The following LEF1 variants were observed in gnomAD, a reference collection of about 807,000 sequenced individuals.
LEF1 encodes the protein lymphoid enhancer binding factor 1, also known as lymphoid enhancer-binding factor 1.
LEF1 carries 14 observed loss-of-function variants against 51.2 expected under a neutral mutation model. The observed-to-expected ratio is 0.27, with a 90% CI of 0.18 to 0.43. The LOEUF (loss-of-function observed/expected upper bound fraction) is 0.43, where lower values mean the gene tolerates loss of function less well. Ranked by LOEUF, LEF1 falls within the 20% of genes least tolerant of loss-of-function variation. LEF1 has a pLI of 1.00. For synonymous variants in LEF1, 185 were observed against 183.2 expected, an observed-to-expected ratio of 1.01 and a Z score of -0.08; for missense variants, 386 against 512.0, an observed-to-expected ratio of 0.75 and a Z score of 2.37.
chr4:108,127,758 T>C (rs1278432604), intron 3 of LEF1, among the ~76,000 whole-genome samples: 1 of 152,176 alleles, frequency 6.6e-6, no homozygotes, highest in Non-Finnish European at 1.5e-5. Flanking sequence ...AACTTAGAGA[T>C]GCAACAGGGG....
chr4:108,051,861 C>A (rs963450639), intron 11 of LEF1, among the ~76,000 whole-genome samples: 1 of 152,122 alleles, frequency 6.6e-6, no homozygotes, highest in African/African-American at 2.4e-5. Context: ...AAAGGTGAAT[C>A]TAAAGATTTC....
intron 3 of LEF1, among the ~76,000 whole-genome samples, chr4:108,121,206 T>C (rs1742161247): frequency 1.3e-5 from 2 of 152,252 alleles, no homozygotes; most frequent in South Asian, 4.1e-4. Context: ...GTGATGAATA[T>C]AGTAACTAAA....
chr4:108,118,835 C>T (rs1741993998), intron 3 of LEF1, among the ~76,000 whole-genome samples: 1 of 152,066 alleles, frequency 6.6e-6, no homozygotes, highest in Non-Finnish European at 1.5e-5. Context: ...CACACAACGT[C>T]CACCAGACCT....
chr4:108,108,827 TCTC>T (rs1377775152), intron 3 of LEF1, among the ~76,000 whole-genome samples: 2 of 152,162 alleles, frequency 1.3e-5, no homozygotes, highest in African/African-American at 4.8e-5. Context: ...CAAGTTTCTC[TCTC>T]CTCCTTCATA....
At chr4:108,115,825 G>T (rs1002070662) in intron 3 of LEF1, among the ~76,000 whole-genome samples, 3 of 142,518 alleles carry the variant, frequency 2.1e-5, no homozygotes, top group South Asian at 2.2e-4. Context: ...AGGTTAAAAG[G>T]TCTGCCTATA....
intron 3 of LEF1, among the ~76,000 whole-genome samples, chr4:108,147,260 A>T (rs940245184): frequency 3.4e-5 from 5 of 146,010 alleles, no homozygotes; most frequent in African/African-American, 1.0e-4. Context: ...ATAGAAGCCT[A>T]AAAAAAAAAA....
intron 5 of LEF1, among the ~76,000 whole-genome samples, chr4:108,082,555 A>G (rs911728697): frequency 6.6e-6 from 1 of 152,180 alleles, no homozygotes; most frequent in Non-Finnish European, 1.5e-5. Context: ...TAGAGAGTCA[A>G]GTGGAAAAAG....
intron 9 of LEF1, among the ~76,000 whole-genome samples, chr4:108,064,987 G>A (rs1257556834): frequency 6.6e-6 from 1 of 152,124 alleles, no homozygotes; most frequent in Non-Finnish European, 1.5e-5. Flanking sequence ...AGGGAGAAGA[G>A]AGTGAGAGAA....
chr4:108,138,365 T>C (rs954269197), intron 3 of LEF1, among the ~76,000 whole-genome samples: 3 of 152,228 alleles, frequency 2.0e-5, no homozygotes, highest in Admixed American at 6.5e-5. Context: ...GTCGCTACTA[T>C]GATTACTCCC....
chr4:108,060,846 A>C (rs2126263024), intron 11 of LEF1, among the ~76,000 whole-genome samples: 1 of 152,228 alleles, frequency 6.6e-6, no homozygotes, highest in African/African-American at 2.4e-5. Flanking sequence ...AGGTCACACA[A>C]GTCTCCATAG....
chr4:108,078,070 C>A (rs1739031871), intron 8 of LEF1, 150 bp downstream of exon 8: 1 of 772,902 alleles, frequency 1.3e-6, no homozygotes, highest in African/African-American at 1.7e-5. Flanking sequence ...ACAGTAAAAA[C>A]AGTTATCAAA....
intron 11 of LEF1, among the ~76,000 whole-genome samples, chr4:108,054,631 G>A (rs1053509814): frequency 6.6e-6 from 1 of 152,194 alleles, no homozygotes; most frequent in East Asian, 1.9e-4. Flanking sequence ...GGGGCAGCAA[G>A]CAAGATTCAT....
At chr4:108,075,720 G>C in intron 8 of LEF1, among the ~76,000 whole-genome samples, 1 of 152,212 alleles carries the variant, frequency 6.6e-6, no homozygotes, top group East Asian at 1.9e-4. Context: ...TCTTTTGGCT[G>C]ACAGTTGGAT....
intron 11 of LEF1, among the ~76,000 whole-genome samples, chr4:108,057,098 C>T (rs752026697): frequency 3.9e-5 from 6 of 151,978 alleles, no homozygotes; most frequent in Middle Eastern, 3.2e-3. Flanking sequence ...AGGCTTCCTT[C>T]CCAAGAGTTC....
At chr4:108,134,166 C>CAAA (rs11369216) in intron 3 of LEF1, among the ~76,000 whole-genome samples, 30 of 146,888 alleles carry the variant, frequency 2.0e-4, no homozygotes, top group Non-Finnish European at 3.1e-4. Flanking sequence ...CCAAATTTAC[C>CAAA]AAAAAAAAAA....
At chr4:108,050,041 C>T (rs1050877102) in intron 11 of LEF1, among the ~76,000 whole-genome samples, 5 of 152,204 alleles carry the variant, frequency 3.3e-5, no homozygotes, top group East Asian at 1.9e-4. Context: ...CCCAATGCGG[C>T]CCCTAAAGAT....
At chr4:108,064,678 CACACACACACACACAAT>C (rs1370410951) in intron 9 of LEF1, among the ~76,000 whole-genome samples, 130 of 62,230 alleles carry the variant, frequency 2.1e-3, no homozygotes, top group East Asian at 0.012. Flanking sequence ...CACACACACA[CACACACACACACACAAT>C]GATGTCTTAG....
chr4:108,126,648 ACAAAAATTAGC>A (rs1339286879), intron 3 of LEF1, among the ~76,000 whole-genome samples: 3 of 151,900 alleles, frequency 2.0e-5, no homozygotes, highest in African/African-American at 7.3e-5. Context: ...ACTAAAAAAT[ACAAAAATTAGC>A]CGGGCATGAT....
chr4:108,058,294 C>T (rs192480016), intron 11 of LEF1, among the ~76,000 whole-genome samples: 9 of 152,032 alleles, frequency 5.9e-5, no homozygotes, highest in African/African-American at 2.2e-4. Context: ...AGGTGGTAGG[C>T]TTTTTATATT....
Sources: gnomAD v4.1 joint callset for allele counts (sites outside exome capture counted in the v4.1 genomes callset) on GRCh38, gnomAD v4.1.1 for gene constraint, MANE v1.5 for transcripts, NCBI Gene and HGNC (gene_info 2026-07-23, HGNC 2026-07-21) for gene names.